The following EFHD1 variants were observed in gnomAD, a reference collection of about 807,000 sequenced individuals.
The protein encoded by EFHD1 is EF-hand domain-containing protein D1.
In EFHD1, 10 loss-of-function variants were observed where a neutral mutation model predicts 17.2. The ratio of observed to expected loss-of-function variants is 0.58; its 90% CI spans 0.36 to 0.99. The LOEUF is 0.99. Ranked by LOEUF, EFHD1 falls within the 50% of genes least tolerant of loss-of-function variation. EFHD1 has a pLI of 0.01. For missense variants in EFHD1, 310 were observed against 327.5 expected (o/e 0.95, Z 0.41); for synonymous variants, 153 against 142.0 (o/e 1.08, Z -0.55).
At chr2:232,619,903 T>C (rs1693990911) in intron 1 of EFHD1, among the ~76,000 whole-genome samples, 1 of 151,818 alleles carries the variant, frequency 6.6e-6, no homozygotes, top group Non-Finnish European at 1.5e-5. Flanking sequence ...GATCCCTGAC[T>C]CAATTAAAAT....
At chr2:232,656,055 C>T (rs1417937409) in intron 1 of EFHD1, among the ~76,000 whole-genome samples, 1 of 152,066 alleles carries the variant, frequency 6.6e-6, no homozygotes, top group African/African-American at 2.4e-5. Context: ...ATCCACCCAC[C>T]TCGGCCTCCC....
intron 1 of EFHD1, chr2:232,649,716 A>G (rs1472389886): frequency 6.6e-6 from 1 of 152,236 alleles, no homozygotes; most frequent in Non-Finnish European, 1.5e-5. Context: ...CACAAGGCTC[A>G]TGGCAGTCTC....
intron 2 of EFHD1, 65 bp from the exon 3 acceptor site, chr2:232,672,244 C>T (rs1695084538): frequency 6.2e-7 from 1 of 1,608,274 alleles, no homozygotes; most frequent in East Asian, 2.2e-5. Context: ...CAGCTTGGAC[C>T]AGAGGGCTGG....
intron 1 of EFHD1, among the ~76,000 whole-genome samples, chr2:232,646,436 C>CTCTTCT (rs1694529527): frequency 1.5e-5 from 1 of 67,138 alleles, no homozygotes; most frequent in East Asian, 3.7e-4. Flanking sequence ...CTCTTCTCTT[C>CTCTTCT]TTTTTTTTTT....
At chr2:232,623,960 A>G (rs562678438) in intron 1 of EFHD1, among the ~76,000 whole-genome samples, 2 of 152,018 alleles carry the variant, frequency 1.3e-5, no homozygotes, top group Non-Finnish European at 2.9e-5. Flanking sequence ...GACCAGATGT[A>G]GGGGCAGACA....
Position 232,664,606 on chromosome 2 carries a change from G to GTTT in EFHD1, c.450+1680_450+1682dup, listed in dbSNP as rs57219644. On this transcript the variant is annotated intron_variant, in intron 2 of 3. Coordinates refer to ENST00000264059, the MANE Select transcript of EFHD1 (RefSeq NM_025202.4). Reference sequence around the variant, plus strand: ...AGCCACTGTGGCCATCCCCAAAATAGTTTTTTTTTTTTTTTTTTTTTTTTT... The same window carrying GTTT: ...AGCCACTGTGGCCATCCCCAAAATAGTTTTTTTTTTTTTTTTTTTTTTTTTTTT... 3.9e-3 allele frequency among the ~76,000 whole-genome samples: 247 copies of GTTT among 62,676 alleles called. 2 individuals carry two copies. The highest frequency in any genetic ancestry group is 5.7e-3 in the East Asian group (11 of 1,930). 41.1% of individuals were successfully genotyped at this position (62,676 alleles called of 152,430 possible).
chr2:232,644,047 T>C (rs1017055647), intron 1 of EFHD1, among the ~76,000 whole-genome samples: 3 of 152,318 alleles, frequency 2.0e-5, no homozygotes, highest in South Asian at 4.1e-4. Context: ...GTGCTGTGTG[T>C]GCAGTTGGTG....
chr2:232,626,095 G>A (rs1279963770), intron 1 of EFHD1, among the ~76,000 whole-genome samples: 3 of 152,112 alleles, frequency 2.0e-5, no homozygotes, highest in African/African-American at 7.2e-5. Context: ...GGGAGGCTAA[G>A]GTAGGAGGAT....
chr2:232,680,885 G>T (rs1440887180), intron 3 of EFHD1, among the ~76,000 whole-genome samples: 1 of 152,034 alleles, frequency 6.6e-6, no homozygotes, highest in East Asian at 1.9e-4. Context: ...CCCATGAGGG[G>T]ACTGGGTGCA....
intron 3 of EFHD1, among the ~76,000 whole-genome samples, chr2:232,672,918 G>T (rs1250193641): frequency 6.6e-6 from 1 of 152,098 alleles, no homozygotes; most frequent in Non-Finnish European, 1.5e-5. Flanking sequence ...GAGGCTGCTT[G>T]GAGACAGATT....
intron 2 of EFHD1, among the ~76,000 whole-genome samples, chr2:232,666,571 C>T (rs1694970380): frequency 6.6e-6 from 1 of 152,202 alleles, no homozygotes. Context: ...GTGCTCCTCC[C>T]TGAATCCATG....
intron 1 of EFHD1, among the ~76,000 whole-genome samples, chr2:232,637,492 CA>C (rs1456591715): frequency 6.6e-6 from 1 of 151,908 alleles, no homozygotes; most frequent in African/African-American, 2.4e-5. Flanking sequence ...TACAGGCGCG[CA>C]CCACCATGCC....
chr2:232,664,614 T>C (rs1250775537), intron 2 of EFHD1, among the ~76,000 whole-genome samples: 1 of 135,276 alleles, frequency 7.4e-6, no homozygotes, highest in Admixed American at 7.5e-5. Context: ...TAGTTTTTTT[T>C]TTTTTTTTTT....
chr2:232,606,208 A>G (rs1693708376), intron 1 of EFHD1: 1 of 1,549,406 alleles, frequency 6.5e-7, no homozygotes, highest in Non-Finnish European at 8.7e-7. Flanking sequence ...CACCCTTGAG[A>G]GTCTACGATT....
At chr2:232,606,897 TA>T (rs1375451586) in intron 1 of EFHD1, among the ~76,000 whole-genome samples, 1 of 138,614 alleles carries the variant, frequency 7.2e-6, no homozygotes, top group Non-Finnish European at 1.6e-5. Flanking sequence ...CTCAAAAAAA[TA>T]AAATAAAATA....
At chr2:232,613,564 A>G (rs1693845420) in intron 1 of EFHD1, among the ~76,000 whole-genome samples, 1 of 151,886 alleles carries the variant, frequency 6.6e-6, no homozygotes, top group African/African-American at 2.4e-5. Flanking sequence ...ATTGTGGACT[A>G]TCCATCCAAT....
intron 2 of EFHD1, 88 bp downstream of exon 2, chr2:232,663,037 G>T (rs1694904905): frequency 7.1e-7 from 1 of 1,411,328 alleles, no homozygotes; most frequent in Admixed American, 3.4e-5. Context: ...AAATGGGTTT[G>T]GCCTCTCCAG....
intron 1 of EFHD1, among the ~76,000 whole-genome samples, chr2:232,643,903 A>C (rs1694477383): frequency 6.6e-6 from 1 of 152,178 alleles, no homozygotes; most frequent in African/African-American, 2.4e-5. Flanking sequence ...TGGTTTCTGG[A>C]GGCCAGGCAG....
At chr2:232,650,475 G>C (rs1219585115) in intron 1 of EFHD1, among the ~76,000 whole-genome samples, 1 of 147,872 alleles carries the variant, frequency 6.8e-6, no homozygotes, top group Non-Finnish European at 1.5e-5. Flanking sequence ...TGTATTTTTA[G>C]TAGAGACAGG....
Sources: allele counts gnomAD v4.1 joint callset (sites outside exome capture counted in the v4.1 genomes callset), GRCh38; gene constraint gnomAD v4.1.1; transcripts MANE v1.5; gene names NCBI Gene and HGNC (gene_info 2026-07-23, HGNC 2026-07-21).